Variants in PAX2 observed in about 807,000 individuals in gnomAD.
The protein encoded by PAX2 is paired box 2.
PAX2 carries 9 observed loss-of-function variants against 41.7 expected under a neutral mutation model. The ratio of observed to expected loss-of-function variants is 0.22; its 90% CI spans 0.13 to 0.38. The LOEUF is 0.38. PAX2 is among the 10% of genes least tolerant of loss of function. PAX2 has a pLI of 1.00. For missense variants in PAX2, 418 were observed against 531.6 expected, an observed-to-expected ratio of 0.79 and a Z score of 2.10; for synonymous variants, 221 against 212.7, an observed-to-expected ratio of 1.04 and a Z score of -0.34.
At chr10:100,803,004 C>T (rs549667604) in intron 5 of PAX2, among the ~76,000 whole-genome samples, 1 of 152,146 alleles carries the variant, frequency 6.6e-6, no homozygotes, top group South Asian at 2.1e-4. Flanking sequence ...ATGCCGAGCT[C>T]GCTCCCCATC....
chr10:100,821,409 C>T (rs1037453122), intron 7 of PAX2, among the ~76,000 whole-genome samples: 8 of 152,200 alleles, frequency 5.3e-5, no homozygotes, highest in African/African-American at 1.7e-4. Flanking sequence ...ATGCAGAACA[C>T]GAGGAAGCTT....
In PAX2 at chr10:100,779,429, G is replaced by A. The variant is rs867272170; in HGVS notation, c.411-69G>A. 49 of 1,322,970 alleles carry A rather than the reference G, an allele frequency of 3.7e-5. No homozygotes were observed. In the Middle Eastern group the frequency reaches 5.4e-4, roughly 15 times the overall value. 82.0% of individuals were successfully genotyped at this position (1,322,970 alleles called of 1,614,324 possible). ...AACTTGGGAGAGAGCCCCTTTGCAG[G>A]GCTGGGCTGGAATTGGCCGGGATAG... On this transcript the variant is annotated intron_variant, in intron 3 of 9. Coordinates refer to ENST00000355243, the MANE Select transcript of PAX2 (RefSeq NM_000278.5).
At position 100,827,820 on chromosome 10, in the gene PAX2, G is replaced by A. The variant is rs867243600; in HGVS notation, c.*201G>A. 2.8e-3 allele frequency: 2,122 copies of A among 750,704 alleles called. 8 individuals carry two copies. Among genetic ancestry groups the A allele is most frequent in the Middle Eastern group, 4.7e-3 (12 of 2,574 alleles). 46.5% of individuals were successfully genotyped at this position (750,704 alleles called of 1,614,324 possible). ...TCGGACAGGACGGGTGGAGCCGTGG[G>A]CGGGACCCTCAGGCCCGGGCCCGCC... is the stretch of plus-strand genomic sequence containing the variant. On this transcript the variant is annotated 3_prime_UTR_variant, in exon 10 of 10. Transcript: ENST00000355243. The surrounding 1 kb of genome is among the most constrained non-coding windows in gnomAD (Gnocchi z 8.5).
At position 100,826,174 on chromosome 10, in the gene PAX2, G is replaced by T. The variant is rs569927284; in HGVS notation, c.1022-835G>T. On this transcript the variant is annotated intron_variant, in intron 8 of 9. Transcript: ENST00000355243. This position sits in a 1 kb window ranked among gnomAD's most constrained non-coding sequence, Gnocchi z 5.5. ...TGCTGCACGCATGCTTTCCCTCCTCGTCAATAAACAGGCTTTCCAGTGGCT... is the reference window on the plus strand; with the variant it reads ...TGCTGCACGCATGCTTTCCCTCCTCTTCAATAAACAGGCTTTCCAGTGGCT... Among the ~76,000 whole-genome samples the T allele has an allele frequency of 2.6e-5, 4 of 152,206 alleles. No individual in the cohort carries two copies. Among genetic ancestry groups the T allele is most frequent in the African/African-American group, 9.6e-5 (4 of 41,516 alleles).
Position 100,750,652 on chromosome 10 carries a change from A to G in PAX2, c.213-42A>G. ...GAACCTGCAGCCCCCCTGCCCCGCC[A>G]CAGTCCGCTTCTGGCTGACCCCGCC... On this transcript the variant is annotated intron_variant, in intron 2 of 9. Transcript: ENST00000355243. The surrounding 1 kb of genome is among the most constrained non-coding windows in gnomAD (Gnocchi z 4.1). The G allele has an allele frequency of 6.3e-7, 1 of 1,577,870 alleles. No homozygotes were observed. The highest frequency in any genetic ancestry group is 8.7e-7 in the Non-Finnish European group (1 of 1,148,254).
At chr10:100,806,723 T>G (rs1847797043) in intron 6 of PAX2, 118 bp downstream of exon 6, 1 of 875,904 alleles carries the variant, frequency 1.1e-6, no homozygotes, top group Non-Finnish European at 1.9e-6. Flanking sequence ...TACACACGTG[T>G]GTTCTGTGTG....
chr10:100,784,623 A>G (rs1282443491), intron 5 of PAX2, among the ~76,000 whole-genome samples: 1 of 152,324 alleles, frequency 6.6e-6, no homozygotes, highest in Admixed American at 6.5e-5. Flanking sequence ...AGTGAGGACA[A>G]TCACTGCAGT....
chr10:100,754,019 G>T lies in PAX2; in HGVS notation c.410+3128G>T, dbSNP rs371319910. Among the ~76,000 whole-genome samples, 12 of 152,322 alleles carry T rather than the reference G, an allele frequency of 7.9e-5. No individual in the cohort carries two copies. The East Asian group carries it at 1.9e-3, about 24-fold the overall frequency. ...ATTGGGTTACCAATGGCTGAGCATG[G>T]AGTTGCCAGCTTTTTGGTTTGTACA... On this transcript the variant is annotated intron_variant, in intron 3 of 9. Transcript: ENST00000355243.
intron 1 of PAX2, among the ~76,000 whole-genome samples, chr10:100,738,782 A>C (rs1844853762): frequency 6.6e-6 from 1 of 152,184 alleles, no homozygotes; most frequent in East Asian, 1.9e-4. Flanking sequence ...TTCTGGATGT[A>C]GGTGACGCTT....
Position 100,809,655 on chromosome 10 carries a change from G to A in PAX2, c.919+419G>A, listed in dbSNP as rs529083434. 3.2e-4 allele frequency among the ~76,000 whole-genome samples: 49 copies of A among 152,356 alleles called. No homozygotes were observed. In the Middle Eastern group the frequency reaches 0.01, roughly 32 times the overall value. On this transcript the variant is annotated intron_variant, in intron 7 of 9. Coordinates refer to ENST00000355243, the MANE Select transcript of PAX2 (RefSeq NM_000278.5). ...CACTTGGGTCTCCAAGGCTCCTGGG[G>A]GACCCGCTTACCGCTCCCTCCAGGC...
chr10:100,744,879 C>T (rs1466906298), upstream of PAX2, among the ~76,000 whole-genome samples: 2 of 152,196 alleles, frequency 1.3e-5, no homozygotes, highest in African/African-American at 4.8e-5. Context: ...GCCCTGCGCA[C>T]AGTCGCGTGG....
chr10:100,759,196 G>A (rs1246440297), intron 3 of PAX2, among the ~76,000 whole-genome samples: 2 of 152,216 alleles, frequency 1.3e-5, no homozygotes, highest in African/African-American at 4.8e-5. Context: ...TGAGCTCCAG[G>A]CATCTGGTAG....
upstream of PAX2, among the ~76,000 whole-genome samples, chr10:100,741,927 G>A (rs1844969206): frequency 6.6e-6 from 1 of 152,176 alleles, no homozygotes; most frequent in Non-Finnish European, 1.5e-5. Context: ...TCAGACCCCG[G>A]TCCTAGCTCC....
At chr10:100,779,401 AG>A in intron 3 of PAX2, 96 bp from the exon 4 acceptor site, 1 of 1,011,474 alleles carries the variant, frequency 9.9e-7, no homozygotes, top group Non-Finnish European at 1.5e-6. Context: ...GAAATCGCTG[AG>A]GAACTTGGGA....
intron 3 of PAX2, among the ~76,000 whole-genome samples, chr10:100,761,391 T>G (rs1845840348): frequency 6.6e-6 from 1 of 152,112 alleles, no homozygotes; most frequent in Non-Finnish European, 1.5e-5. Flanking sequence ...CCTCTGAACT[T>G]GGCTCTGTGG....
chr10:100,827,558 A>C lies in PAX2; in HGVS notation c.1124A>C (p.Tyr375Ser). 6.2e-7 allele frequency: 1 copy of C among 1,613,712 alleles called. No individual in the cohort carries two copies. The highest frequency in any genetic ancestry group is 8.5e-7 in the Non-Finnish European group (1 of 1,179,680). ...NPALLSSPYY[Y>S]SAAPRGSAPA... ...TAACTTCCAGGTTCCCCTTATTATTATAGTGCCGCCCCCCGGGGCTCCGCC... is the reference window on the plus strand; with the variant it reads ...TAACTTCCAGGTTCCCCTTATTATTCTAGTGCCGCCCCCCGGGGCTCCGCC... Residue 375 changes from tyrosine (Y) to serine (S), a missense_variant, in exon 10 of 10, where the codon TAT (tyrosine) becomes TCT (serine). By Grantham distance (144) the Tyr-to-Ser change is moderately radical (BLOSUM62 -2). Around this residue, in one of 2 missense-constraint regions of PAX2, gnomAD observed 310 missense variants for 325.2 expected, o/e 0.95. Coordinates refer to ENST00000355243, the MANE Select transcript of PAX2 (RefSeq NM_000278.5). The surrounding 1 kb of genome is among the most constrained non-coding windows in gnomAD (Gnocchi z 8.5).
rs934474882 is a variant in PAX2, at chr10:100,745,829, C to T, written c.-432C>T. 4.5e-6 allele frequency: 5 copies of T among 1,103,594 alleles called. No individual in the cohort carries two copies. Among genetic ancestry groups the T allele is most frequent in the Non-Finnish European group, 5.5e-6 (5 of 905,772 alleles). The allele number at this position is 1,103,594 out of a possible 1,614,324, so 68.4% of individuals were successfully genotyped here. ...ACTTGGAGAGGCCCGGCTCCCCTCC[C>T]GGCGCCCTCTGACCGCCCCCGCCCC... On this transcript the variant is annotated 5_prime_UTR_variant, in exon 1 of 10. Coordinates refer to ENST00000355243, the MANE Select transcript of PAX2 (RefSeq NM_000278.5).
chr10:100,819,327 G>A (rs1367794281), intron 7 of PAX2, among the ~76,000 whole-genome samples: 1 of 151,898 alleles, frequency 6.6e-6, no homozygotes, highest in Non-Finnish European at 1.5e-5. Flanking sequence ...CCAGCACTTT[G>A]GGAGGCTAAG....
At chr10:100,754,274 A>C (rs1000737441) in intron 3 of PAX2, among the ~76,000 whole-genome samples, 15 of 152,250 alleles carry the variant, frequency 9.9e-5, no homozygotes, top group African/African-American at 3.6e-4. Context: ...ACCTCCTTTG[A>C]AAGAACAGGC....
Sources: allele counts gnomAD v4.1 joint callset (sites outside exome capture counted in the v4.1 genomes callset), GRCh38; gene constraint gnomAD v4.1.1; regional missense constraint gnomAD v4.1.1; non-coding constraint Gnocchi (gnomAD v3.1); transcripts MANE v1.5; gene names NCBI Gene and HGNC (gene_info 2026-07-23, HGNC 2026-07-21).